Variants in LTBR observed in about 807,000 individuals in gnomAD.
LTBR encodes the protein tumor necrosis factor receptor superfamily member 3.
In LTBR, 15 loss-of-function variants were observed where a neutral mutation model predicts 45.4. The ratio of observed to expected loss-of-function variants is 0.33; its 90% CI spans 0.22 to 0.51. The LOEUF (loss-of-function observed/expected upper bound fraction) is 0.51. Among genes scored for constraint, LTBR ranks in the 20% least tolerant of loss-of-function variants. LTBR has a pLI of 0.97. For missense variants in LTBR, 450 were observed against 565.5 expected, an observed-to-expected ratio of 0.80 and a Z score of 2.07; for synonymous variants, 228 against 231.0, an observed-to-expected ratio of 0.99 and a Z score of 0.12.
At chr12:6,389,136 G>A (rs1565495596) in intron 8 of LTBR, 5 of 316,338 alleles carry the variant, frequency 1.6e-5, no homozygotes, top group Non-Finnish European at 2.4e-5. Flanking sequence ...AAGGATGGGG[G>A]TATTTTAGAC....
rs1314483482 is a variant in LTBR, at chr12:6,388,552, G to A, written c.775+47G>A. The A allele has an allele frequency of 2.0e-6, 3 of 1,535,518 alleles. No individual in the cohort carries two copies. The highest frequency in any genetic ancestry group is 2.3e-5 in the East Asian group (1 of 44,436). On this transcript the variant is annotated intron_variant, in intron 7 of 9. Transcript: ENST00000228918. This position sits in a 1 kb window ranked among gnomAD's most constrained non-coding sequence, Gnocchi z 4.3. The stretch of plus-strand genomic sequence containing the variant: ...TGGATGGTTGGCAATGGGAGCCGGA[G>A]GGAGGAATATTCAACTTCCCCGGTG...
chr12:6,377,128 A>T, intron 1 of LTBR: 5 of 685,548 alleles, frequency 7.3e-6, no homozygotes. Context: ...AGAAGAGAAA[A>T]GGCAGTACTC....
chr12:6,379,355 A>G (rs1948954902), upstream of LTBR, among the ~76,000 whole-genome samples: 1 of 152,194 alleles, frequency 6.6e-6, no homozygotes, highest in African/African-American at 2.4e-5. Flanking sequence ...TTCCTCTGAC[A>G]ACCCATTTAT....
At chr12:6,377,425 T>A in intron 1 of LTBR, 1 of 695,528 alleles carries the variant, frequency 1.4e-6, no homozygotes, top group Non-Finnish European at 2.4e-6. Flanking sequence ...TGGGGCTATC[T>A]ACTTAGCGCT....
rs752009053 is a variant in LTBR, at chr12:6,386,167, G to A, written c.569+5G>A. 6.2e-7 allele frequency: 1 copy of A among 1,610,286 alleles called. No individual in the cohort carries two copies. The highest frequency in any genetic ancestry group is 8.5e-7 in the Non-Finnish European group (1 of 1,176,776). ...CCGCTGCCAGCCCCACACCAGGTGA[G>A]TGCAGCCCCACCCAAGCTCCTTCCA... On this transcript the variant is annotated splice_donor_5th_base_variant and intron_variant, in intron 5 of 9. Coordinates refer to ENST00000228918, the MANE Select transcript of LTBR (RefSeq NM_002342.3). The surrounding 1 kb of genome is among the most constrained non-coding windows in gnomAD (Gnocchi z 4.1).
intron 4 of LTBR, 134 bp downstream of exon 4, chr12:6,385,513 T>C: frequency 9.4e-7 from 1 of 1,066,242 alleles, no homozygotes; most frequent in South Asian, 1.6e-5. Flanking sequence ...TCTCATTCCA[T>C]GCAGAGGCTC....
At chr12:6,385,726 G>GC in intron 4 of LTBR, 1 of 358,486 alleles carries the variant, frequency 2.8e-6, no homozygotes, top group Non-Finnish European at 5.1e-6. Context: ...CTAACACAGT[G>GC]AAACCCCGTC....
chr12:6,380,333 C>T (rs1272648910), upstream of LTBR, among the ~76,000 whole-genome samples: 1 of 152,160 alleles, frequency 6.6e-6, no homozygotes, highest in Non-Finnish European at 1.5e-5. Context: ...TCCAAGAGCA[C>T]TAGTCAGCTA....
Position 6,386,101 on chromosome 12 carries a change from T to G in LTBR, c.508T>G (p.Cys170Gly). 6.2e-7 allele frequency: 1 copy of G among 1,614,016 alleles called. No individual in the cohort carries two copies. The highest frequency in any genetic ancestry group is 8.5e-7 in the Non-Finnish European group (1 of 1,179,954). The change falls in exon 5 of 10, where the codon TGC (cysteine) becomes GGC (glycine). Residue 170 changes from cysteine (C) to glycine (G), a missense_variant. This residue lies in a region of LTBR where 367 missense variants were observed against 435.4 expected (regional missense o/e 0.84). Transcript: ENST00000228918. This position sits in a 1 kb window ranked among gnomAD's most constrained non-coding sequence, Gnocchi z 4.1. ...GAAGGGTAACAACCACTGCGTCCCCTGCAAGGCCGGGCACTTCCAGAATAC... is the reference window on the plus strand; with the variant it reads ...GAAGGGTAACAACCACTGCGTCCCCGGCAAGGCCGGGCACTTCCAGAATAC... ...VGKGNNHCVP[C>G]KAGHFQNTSS...
intron 1 of LTBR, chr12:6,377,257 T>A: frequency 6.4e-7 from 1 of 1,551,112 alleles, no homozygotes; most frequent in Non-Finnish European, 8.7e-7. Context: ...CTTACCTTGA[T>A]ACTGCTCATG....
rs1949026988 is a variant in LTBR, at chr12:6,385,289, C to G, written c.382C>G (p.Pro128Ala). ...SKRKTQCRCQ[P>A]GMFCAAWALE... is the part of the protein sequence containing the mutation. Reference sequence around the variant, plus strand: ...ACGGAAGACCCAGTGCCGCTGCCAGCCGGGAATGTTCTGTGCTGCCTGGGC... The same window carrying G: ...ACGGAAGACCCAGTGCCGCTGCCAGGCGGGAATGTTCTGTGCTGCCTGGGC... Residue 128 changes from proline (P) to alanine (A), a missense_variant, in exon 4 of 10, where the codon CCG becomes GCG. Transcript: ENST00000228918. 2 of 1,613,992 alleles carry G rather than the reference C, an allele frequency of 1.2e-6. No homozygotes were observed. The highest frequency in any genetic ancestry group is 1.7e-6 in the Non-Finnish European group (2 of 1,180,028).
chr12:6,376,996 G>T lies in LTBR; in HGVS notation c.39+1402G>T, dbSNP rs72645153. Among the ~76,000 whole-genome samples, 483 of 152,122 alleles carry T rather than the reference G, an allele frequency of 3.2e-3. 2 individuals carry two copies. The highest frequency in any genetic ancestry group is 0.011 in the African/African-American group (464 of 41,498). Reference sequence around the variant, plus strand: ...AAGTGCAGATCTCAGATTTCTCAGAGATAAGACATAAGAGCCAAGGGCTAG... The same window carrying T: ...AAGTGCAGATCTCAGATTTCTCAGATATAAGACATAAGAGCCAAGGGCTAG... On this transcript the variant is annotated intron_variant, in intron 1 of 9. Coordinates refer to the LTBR transcript ENST00000539925.
At chr12:6,376,044 A>T in intron 1 of LTBR, 1 of 993,142 alleles carries the variant, frequency 1.0e-6, no homozygotes, top group African/African-American at 1.7e-5. Flanking sequence ...GCAAGGGGGG[A>T]GTCCCAAGTG....
upstream of LTBR, among the ~76,000 whole-genome samples, chr12:6,383,552 G>A (rs1208581655): frequency 6.6e-6 from 1 of 152,162 alleles, no homozygotes; most frequent in Non-Finnish European, 1.5e-5. Flanking sequence ...CTCTTTGGGA[G>A]GGAGGTTCCC....
intron 1 of LTBR, chr12:6,377,060 T>A (rs748748399): frequency 8.3e-5 from 45 of 541,638 alleles, no homozygotes; most frequent in Non-Finnish European, 1.1e-4. Flanking sequence ...TCAGGAAGCC[T>A]TCCCAGAGAA....
intron 8 of LTBR, chr12:6,389,167 C>T (rs1284485506): frequency 4.6e-6 from 1 of 218,952 alleles, no homozygotes; most frequent in African/African-American, 2.3e-5. Flanking sequence ...GTGAAGGCCT[C>T]TCTGAGAACC....
At chr12:6,382,236 A>G (rs1450160711), upstream of LTBR, among the ~76,000 whole-genome samples, 1 of 152,196 alleles carries the variant, frequency 6.6e-6, no homozygotes, top group Non-Finnish European at 1.5e-5. Context: ...ATGAAATGAT[A>G]TGATGTCTGG....
intron 1 of LTBR, among the ~76,000 whole-genome samples, chr12:6,376,844 G>A (rs1948921609): frequency 6.6e-6 from 1 of 152,214 alleles, no homozygotes; most frequent in Non-Finnish European, 1.5e-5. Context: ...CCCTCCACAA[G>A]CCAGCAGACA....
intron 1 of LTBR, among the ~76,000 whole-genome samples, chr12:6,376,608 C>T (rs1470936879): frequency 1.3e-5 from 2 of 152,228 alleles, no homozygotes; most frequent in Admixed American, 6.5e-5. Flanking sequence ...TCCAAAATCT[C>T]TTTCCAAACT....
Sources: allele counts gnomAD v4.1 joint callset (sites outside exome capture counted in the v4.1 genomes callset), GRCh38; gene constraint gnomAD v4.1.1; regional missense constraint gnomAD v4.1.1; non-coding constraint Gnocchi (gnomAD v3.1); transcripts MANE v1.5; gene names NCBI Gene and HGNC (gene_info 2026-07-23, HGNC 2026-07-21).